The following PDGFD variants were observed in gnomAD, a reference collection of about 807,000 sequenced individuals.
PDGFD encodes platelet derived growth factor D.
In PDGFD, 30 loss-of-function variants were observed where a neutral mutation model predicts 44.7. The observed-to-expected ratio is 0.67, with a 90% CI of 0.50 to 0.91. The LOEUF is 0.91. Among genes scored for constraint, PDGFD ranks in the 40% least tolerant of loss-of-function variants. The probability of loss-of-function intolerance (pLI) is 0.00; values close to 1 mark genes in which losing one functional copy is unlikely to be tolerated. For synonymous variants in PDGFD, 173 were observed against 168.4 expected (o/e 1.03, Z -0.21); for missense variants, 445 against 457.8 (o/e 0.97, Z 0.25).
At chr11:104,055,130 G>A (rs1277656503) in intron 1 of PDGFD, among the ~76,000 whole-genome samples, 2 of 152,194 alleles carry the variant, frequency 1.3e-5, no homozygotes, top group Non-Finnish European at 2.9e-5. Flanking sequence ...ACAAGGTCAT[G>A]CTGCTCCACT....
At chr11:104,083,343 A>C (rs764107041) in intron 1 of PDGFD, among the ~76,000 whole-genome samples, 11 of 152,318 alleles carry the variant, frequency 7.2e-5, no homozygotes, top group Admixed American at 2.0e-4. Context: ...TTTTTAATAT[A>C]AAGTTTAAAG....
intron 1 of PDGFD, among the ~76,000 whole-genome samples, chr11:104,161,087 A>G (rs2119936310): frequency 6.6e-6 from 1 of 152,352 alleles, no homozygotes; most frequent in Middle Eastern, 3.4e-3. Context: ...CAAGTCCAGC[A>G]GGAACAAATG....
intron 3 of PDGFD, among the ~76,000 whole-genome samples, chr11:103,989,135 T>C (rs1197016582): frequency 6.6e-6 from 1 of 152,208 alleles, no homozygotes; most frequent in Non-Finnish European, 1.5e-5. Flanking sequence ...TATTCTTCCC[T>C]GTCCTATGAA....
chr11:104,008,047 A>G (rs1484642866), intron 1 of PDGFD, among the ~76,000 whole-genome samples: 1 of 152,204 alleles, frequency 6.6e-6, no homozygotes, highest in East Asian at 1.9e-4. Flanking sequence ...TTCCATATTT[A>G]AGAGCTGAGT....
intron 1 of PDGFD, among the ~76,000 whole-genome samples, chr11:104,126,051 G>GA (rs112456870): frequency 0.13 from 19,835 of 152,046 alleles, 1,429 homozygotes; most frequent in East Asian, 0.29. Flanking sequence ...AAGGAGAGGG[G>GA]AAATCCTTTC....
At chr11:103,923,448 G>A (rs1424097881) in intron 6 of PDGFD, among the ~76,000 whole-genome samples, 1 of 152,124 alleles carries the variant, frequency 6.6e-6, no homozygotes, top group Non-Finnish European at 1.5e-5. Context: ...AAATATTTGT[G>A]GAGAATCACA....
intron 1 of PDGFD, among the ~76,000 whole-genome samples, chr11:104,136,501 T>G (rs1862006522): frequency 6.6e-6 from 1 of 152,190 alleles, no homozygotes; most frequent in South Asian, 2.1e-4. Flanking sequence ...AGTGAAACTC[T>G]TCTGGGGATT....
chr11:103,954,854 G>T (rs76511728), intron 3 of PDGFD, among the ~76,000 whole-genome samples: 1 of 152,042 alleles, frequency 6.6e-6, no homozygotes, highest in Non-Finnish European at 1.5e-5. Context: ...AGACAAAGGG[G>T]TTTGTTAAGA....
At chr11:103,920,611 T>G (rs1407280462) in intron 6 of PDGFD, among the ~76,000 whole-genome samples, 1 of 152,202 alleles carries the variant, frequency 6.6e-6, no homozygotes, top group Non-Finnish European at 1.5e-5. Flanking sequence ...GTTCACTAAC[T>G]TGTAAGTGAG....
At chr11:103,966,381 T>C (rs1859020296) in intron 3 of PDGFD, among the ~76,000 whole-genome samples, 1 of 152,224 alleles carries the variant, frequency 6.6e-6, no homozygotes, top group African/African-American at 2.4e-5. Flanking sequence ...CCAATGCATA[T>C]ATTAGATTTC....
At chr11:103,958,498 A>G (rs1398037573) in intron 3 of PDGFD, among the ~76,000 whole-genome samples, 1 of 152,218 alleles carries the variant, frequency 6.6e-6, no homozygotes, top group African/African-American at 2.4e-5. Context: ...AAAATGAATG[A>G]CTTAGGAAAT....
intron 1 of PDGFD, among the ~76,000 whole-genome samples, chr11:104,043,433 C>T (rs760360849): frequency 1.3e-5 from 2 of 152,072 alleles, no homozygotes; most frequent in Non-Finnish European, 2.9e-5. Context: ...AGCATATGGC[C>T]GATTCTTAGG....
chr11:104,156,576 C>T (rs1431804309), intron 1 of PDGFD, among the ~76,000 whole-genome samples: 1 of 152,048 alleles, frequency 6.6e-6, no homozygotes, highest in Non-Finnish European at 1.5e-5. Context: ...ATGATGCTTC[C>T]ACAGACCTCT....
At chr11:103,959,787 C>A (rs1341019316) in intron 3 of PDGFD, among the ~76,000 whole-genome samples, 2 of 152,176 alleles carry the variant, frequency 1.3e-5, no homozygotes, top group African/African-American at 4.8e-5. Flanking sequence ...CTCCTGGGGG[C>A]AACTGCCTGA....
intron 1 of PDGFD, among the ~76,000 whole-genome samples, chr11:104,146,908 T>C (rs1487619373): frequency 6.6e-6 from 1 of 151,824 alleles, no homozygotes; most frequent in Non-Finnish European, 1.5e-5. Flanking sequence ...GCTTATATTC[T>C]TGAAGGAAGA....
chr11:104,017,319 A>G (rs527783289), intron 1 of PDGFD, among the ~76,000 whole-genome samples: 26 of 152,074 alleles, frequency 1.7e-4, no homozygotes, highest in African/African-American at 6.3e-4. Flanking sequence ...CTTTACTTAG[A>G]TCTATTAACA....
intron 1 of PDGFD, among the ~76,000 whole-genome samples, chr11:104,064,462 C>T (rs929197895): frequency 1.3e-5 from 2 of 152,150 alleles, no homozygotes; most frequent in Non-Finnish European, 2.9e-5. Flanking sequence ...CTTGCTCAGG[C>T]GGAGACGGAA....
In PDGFD at chr11:104,064,870, G is replaced by C. The variant is rs553447492; in HGVS notation, c.125-64615C>G. ...AAAAATACAGTCACCAGACTACTGT[G>C]ATGGTTAATATTGAGTGTCAACTTG... On this transcript the variant is annotated intron_variant, in intron 1 of 6. Transcript: ENST00000393158. Among the ~76,000 whole-genome samples, 59 of 152,304 alleles carry C rather than the reference G, an allele frequency of 3.9e-4. No individual in the cohort carries two copies. The South Asian group carries it at 0.011, about 28-fold the overall frequency.
chr11:103,960,052 G>C (rs1858912749), intron 3 of PDGFD, among the ~76,000 whole-genome samples: 1 of 152,112 alleles, frequency 6.6e-6, no homozygotes, highest in Admixed American at 6.6e-5. Flanking sequence ...GAAAACACTA[G>C]GCTTTGCACA....
Sources: gnomAD v4.1 joint callset for allele counts (sites outside exome capture counted in the v4.1 genomes callset) on GRCh38, gnomAD v4.1.1 for gene constraint, MANE v1.5 for transcripts, NCBI Gene and HGNC (gene_info 2026-07-23, HGNC 2026-07-21) for gene names.